Variants in PCDHGB1 observed in about 807,000 individuals in gnomAD.
PCDHGB1 encodes the protein protocadherin gamma-B1.
A neutral mutation model predicts 56.6 loss-of-function variants in PCDHGB1; 34 were observed. The ratio of observed to expected loss-of-function variants is 0.60; its 90% CI spans 0.46 to 0.80. The LOEUF (loss-of-function observed/expected upper bound fraction) is 0.80, where lower values mean the gene tolerates loss of function less well. Ranked by LOEUF, PCDHGB1 falls within the 30% of genes least tolerant of loss-of-function variation. PCDHGB1 has a pLI of 0.00. For missense variants in PCDHGB1, 1,278 were observed against 1,204.6 expected, an observed-to-expected ratio of 1.06 and a Z score of -0.90; for synonymous variants, 561 against 505.9, an observed-to-expected ratio of 1.11 and a Z score of -1.46.
At chr5:141,363,384 T>C (rs2149845337) in intron 1 of PCDHGB1, among the ~76,000 whole-genome samples, 1 of 152,366 alleles carries the variant, frequency 6.6e-6, no homozygotes, top group African/African-American at 2.4e-5. Flanking sequence ...TTTTTCTATT[T>C]CTGTTGTCAT....
At chr5:141,510,277 A>C (rs1242709133) in intron 3 of PCDHGB1, among the ~76,000 whole-genome samples, 5 of 151,916 alleles carry the variant, frequency 3.3e-5, no homozygotes, top group Admixed American at 2.6e-4. Flanking sequence ...CATCTTAAAA[A>C]AAAAAAAAAA....
intron 1 of PCDHGB1, among the ~76,000 whole-genome samples, chr5:141,461,764 C>T (rs1005862192): frequency 6.6e-6 from 1 of 152,118 alleles, no homozygotes; most frequent in East Asian, 1.9e-4. Context: ...AGCGATTCTC[C>T]TGCCTCAGCC....
At chr5:141,422,473 G>A (rs2096650443) in intron 1 of PCDHGB1, 7 of 1,613,740 alleles carry the variant, frequency 4.3e-6, no homozygotes, top group Non-Finnish European at 5.1e-6. Context: ...CAGGGAGTTG[G>A]TCCAGAGCTA....
chr5:141,439,416 G>T (rs1169961917), intron 1 of PCDHGB1, among the ~76,000 whole-genome samples: 3 of 152,156 alleles, frequency 2.0e-5, no homozygotes, highest in African/African-American at 7.2e-5. Flanking sequence ...CATCACTGAG[G>T]TTATAAATTC....
At chr5:141,410,515 G>T in intron 1 of PCDHGB1, 1 of 1,613,946 alleles carries the variant, frequency 6.2e-7, no homozygotes, top group South Asian at 1.1e-5. Flanking sequence ...AATGCAGTGT[G>T]CCCCTACATT....
At chr5:141,393,177 G>T (rs1330463387) in intron 1 of PCDHGB1, 1 of 1,613,292 alleles carries the variant, frequency 6.2e-7, no homozygotes, top group Non-Finnish European at 8.5e-7. Context: ...GGTAGAAATA[G>T]AAATAATTGA....
At position 141,494,788 on chromosome 5, in the gene PCDHGB1, C is replaced by T. The variant is rs2099756942; in HGVS notation, c.2410-19C>T. The T allele has an allele frequency of 6.2e-7, 1 of 1,614,116 alleles. No homozygotes were observed. The highest frequency in any genetic ancestry group is 8.5e-7 in the Non-Finnish European group (1 of 1,180,000). On this transcript the variant is annotated intron_variant, in intron 1 of 3. Transcript: ENST00000523390. ...CTTCTCACGGGTACTCAGCCCCTTTCCCTCTGTTTTCTCCACAGCAAGCCC... is the reference window on the plus strand; with the variant it reads ...CTTCTCACGGGTACTCAGCCCCTTTTCCTCTGTTTTCTCCACAGCAAGCCC...
At chr5:141,509,631 C>A (rs1250891268) in intron 3 of PCDHGB1, among the ~76,000 whole-genome samples, 1 of 152,200 alleles carries the variant, frequency 6.6e-6, no homozygotes, top group East Asian at 1.9e-4. Flanking sequence ...CTGGGTGATG[C>A]TGAGCCAGGG....
Position 141,476,220 on chromosome 5 carries a change from A to G in PCDHGB1, c.2410-18587A>G, listed in dbSNP as rs770978000. On this transcript the variant is annotated intron_variant, in intron 1 of 3. Coordinates refer to ENST00000523390, the MANE Select transcript of PCDHGB1 (RefSeq NM_018922.3). This position sits in a 1 kb window ranked among gnomAD's most constrained non-coding sequence, Gnocchi z 7.6. Reference sequence around the variant, plus strand: ...AACAAGGCTTCCACGGTCATTCACTATGAGATCCCGGAGGAAAGAGAGAAG... The same window carrying G: ...AACAAGGCTTCCACGGTCATTCACTGTGAGATCCCGGAGGAAAGAGAGAAG... 44 of 1,613,884 alleles carry G rather than the reference A, an allele frequency of 2.7e-5. No individual in the cohort carries two copies. The highest frequency in any genetic ancestry group is 3.4e-5 in the Non-Finnish European group (40 of 1,180,004).
chr5:141,459,302 A>G (rs1401348885), intron 1 of PCDHGB1, among the ~76,000 whole-genome samples: 1 of 152,328 alleles, frequency 6.6e-6, no homozygotes, highest in Admixed American at 6.5e-5. Context: ...CCTATAACAT[A>G]TACTATTTTG....
At chr5:141,498,921 AG>A (rs1289139995) in intron 2 of PCDHGB1, among the ~76,000 whole-genome samples, 1 of 140,074 alleles carries the variant, frequency 7.1e-6, no homozygotes, top group Non-Finnish European at 1.6e-5. Flanking sequence ...TGACAGAGCG[AG>A]ACTCCATCAG....
rs920444759 is a variant in PCDHGB1, at chr5:141,432,767, C to G, written c.2410-62040C>G. On this transcript the variant is annotated intron_variant, in intron 1 of 3. Transcript: ENST00000523390. The surrounding 1 kb of genome is among the most constrained non-coding windows in gnomAD (Gnocchi z 6.0). ...CGTGGCCGTGGCCGACAGCATCCCC[C>G]AAGTCCTGGCGGACCTCGGCAGCCT... 2 of 1,614,058 alleles carry G rather than the reference C, an allele frequency of 1.2e-6. No individual in the cohort carries two copies. Among genetic ancestry groups the G allele is most frequent in the Admixed American group, 1.7e-5 (1 of 60,012 alleles).
chr5:141,357,450 G>A (rs541013509), intron 1 of PCDHGB1: 2 of 1,614,196 alleles, frequency 1.2e-6, no homozygotes, highest in East Asian at 2.2e-5. Flanking sequence ...GGGCTTTCCT[G>A]CAGACCTATT....
At chr5:141,420,216 T>C in intron 1 of PCDHGB1, 1 of 1,609,316 alleles carries the variant, frequency 6.2e-7, no homozygotes, top group African/African-American at 1.3e-5. Context: ...AAAGATAGCA[T>C]GCTACTGGCT....
chr5:141,444,265 A>G (rs1355824197), intron 1 of PCDHGB1, among the ~76,000 whole-genome samples: 3 of 133,712 alleles, frequency 2.2e-5, no homozygotes, highest in Non-Finnish European at 3.1e-5. Flanking sequence ...TCCGCCTCCC[A>G]GGTTCAAGTG....
intron 1 of PCDHGB1, chr5:141,410,177 A>C (rs2095365763): frequency 1.2e-6 from 2 of 1,613,626 alleles, no homozygotes; most frequent in Non-Finnish European, 1.7e-6. Flanking sequence ...TGCCACCGCC[A>C]CGCTTCATCT....
chr5:141,511,276 T>A lies in PCDHGB1; in HGVS notation c.*103T>A. ...AGAGTTTCAGGGCTAACCCCCAGAA[T>A]ACTGGTAGGGGCCAAGGCCATGCTC... On this transcript the variant is annotated 3_prime_UTR_variant, in exon 4 of 4. Coordinates refer to ENST00000523390, the MANE Select transcript of PCDHGB1 (RefSeq NM_018922.3). 6.5e-7 allele frequency: 1 copy of A among 1,538,086 alleles called. No homozygotes were observed. Among genetic ancestry groups the A allele is most frequent in the Non-Finnish European group, 8.8e-7 (1 of 1,140,722 alleles).
chr5:141,460,624 T>TA (rs1464862917), intron 1 of PCDHGB1, among the ~76,000 whole-genome samples: 2 of 152,128 alleles, frequency 1.3e-5, no homozygotes, highest in African/African-American at 4.8e-5. Context: ...GATAGACAGA[T>TA]ACAGATATAT....
At position 141,383,772 on chromosome 5, in the gene PCDHGB1, G is replaced by A. The variant is rs187406135; in HGVS notation, c.2409+31103G>A. The A allele has an allele frequency of 1.7e-5, 27 of 1,613,982 alleles. No homozygotes were observed. Among genetic ancestry groups the A allele is most frequent in the Admixed American group, 8.3e-5 (5 of 60,026 alleles). ...AAATAACTCCTAAACTTCCAAAGAT[G>A]TTTCATCTGAACTCGCTTACAGGAG... is the stretch of plus-strand genomic sequence containing the variant. On this transcript the variant is annotated intron_variant, in intron 1 of 3. Transcript: ENST00000523390.
Sources: allele counts gnomAD v4.1 joint callset (sites outside exome capture counted in the v4.1 genomes callset), GRCh38; gene constraint gnomAD v4.1.1; non-coding constraint Gnocchi (gnomAD v3.1); transcripts MANE v1.5; gene names NCBI Gene and HGNC (gene_info 2026-07-23, HGNC 2026-07-21).